Variants in HAT1 observed in about 807,000 individuals in gnomAD.
HAT1 encodes the protein histone acetyltransferase type B catalytic subunit.
A neutral mutation model predicts 56.6 loss-of-function variants in HAT1; 20 were observed. That is an observed-to-expected ratio of 0.35 (90% CI 0.25 to 0.51). HAT1 has a LOEUF of 0.51. Among genes scored for constraint, HAT1 ranks in the 20% least tolerant of loss-of-function variants. The probability of loss-of-function intolerance (pLI) is 0.95; values close to 1 mark genes in which losing one functional copy is unlikely to be tolerated. For missense variants in HAT1, 408 were observed against 504.3 expected (o/e 0.81, Z 1.83); for synonymous variants, 146 against 165.5 (o/e 0.88, Z 0.91).
At chr2:171,968,186 A>G (rs1687727559) in intron 8 of HAT1, among the ~76,000 whole-genome samples, 1 of 152,172 alleles carries the variant, frequency 6.6e-6, no homozygotes, top group African/African-American at 2.4e-5. Flanking sequence ...AACTTCGTTT[A>G]TAACAAAAGT....
At chr2:171,963,201 A>G (rs892657317) in intron 4 of HAT1, among the ~76,000 whole-genome samples, 1 of 149,972 alleles carries the variant, frequency 6.7e-6, no homozygotes. Context: ...ACATATTTAT[A>G]TACATAACTA....
chr2:171,956,583 A>G (rs1687455943), intron 4 of HAT1, among the ~76,000 whole-genome samples: 1 of 152,226 alleles, frequency 6.6e-6, no homozygotes. Context: ...AGGAACATGT[A>G]TTTGGCAACT....
chr2:171,954,691 AAG>A (rs1382087836), intron 4 of HAT1, among the ~76,000 whole-genome samples: 3 of 152,174 alleles, frequency 2.0e-5, no homozygotes, highest in African/African-American at 7.2e-5. Flanking sequence ...ATCTCAAAAA[AAG>A]AGAGAGAGAT....
chr2:171,941,049 G>A (rs1216573136), intron 2 of HAT1, among the ~76,000 whole-genome samples: 1 of 152,152 alleles, frequency 6.6e-6, no homozygotes, highest in African/African-American at 2.4e-5. Context: ...TTGGCAACAT[G>A]GGGACTAAAA....
At chr2:171,935,600 G>C (rs1686855102) in intron 2 of HAT1, among the ~76,000 whole-genome samples, 2 of 147,480 alleles carry the variant, frequency 1.4e-5, no homozygotes, top group African/African-American at 5.0e-5. Context: ...GGTATGGTTG[G>C]GTGTGGTGGT....
chr2:171,966,085 T>C (rs1425237952), intron 6 of HAT1, 177 bp downstream of exon 6: 1 of 609,782 alleles, frequency 1.6e-6, no homozygotes, highest in Non-Finnish European at 2.8e-6. Context: ...AGAATAGAGC[T>C]GAATTAAATG....
chr2:171,941,842 G>GC (rs1687026947), intron 2 of HAT1, among the ~76,000 whole-genome samples: 1 of 152,184 alleles, frequency 6.6e-6, no homozygotes, highest in South Asian at 2.1e-4. Context: ...GCAATAAGGT[G>GC]CCATTTAGTA....
chr2:171,947,860 C>A (rs1305024523), intron 3 of HAT1, among the ~76,000 whole-genome samples: 1 of 152,154 alleles, frequency 6.6e-6, no homozygotes, highest in Non-Finnish European at 1.5e-5. Context: ...GCCTGTGCGA[C>A]AGAGCGAGAC....
At chr2:171,947,797 T>A (rs1687207660) in intron 3 of HAT1, among the ~76,000 whole-genome samples, 1 of 152,066 alleles carries the variant, frequency 6.6e-6, no homozygotes, top group African/African-American at 2.4e-5. Flanking sequence ...GAGAATCACT[T>A]CAACCTGGGA....
intron 8 of HAT1, among the ~76,000 whole-genome samples, chr2:171,969,813 T>G (rs1485594901): frequency 6.6e-6 from 1 of 152,210 alleles, no homozygotes; most frequent in Non-Finnish European, 1.5e-5. Flanking sequence ...CTCATTTTCC[T>G]ATGATACCTA....
chr2:171,941,818 G>A (rs1191719452), intron 2 of HAT1, among the ~76,000 whole-genome samples: 1 of 152,208 alleles, frequency 6.6e-6, no homozygotes, highest in Non-Finnish European at 1.5e-5. Flanking sequence ...GTGTTTGGGG[G>A]CCCCTCCTAT....
rs1041451057 is a variant in HAT1 at position 171,966,232 on chromosome 2, A to T, written c.612-177A>T. Reference sequence around the variant, plus strand: ...GATGTAAAGAGGTCTGATTTATCCAAGTTGCTGCACACCAATTAAGTGAAT... The same window carrying T: ...GATGTAAAGAGGTCTGATTTATCCATGTTGCTGCACACCAATTAAGTGAAT... On this transcript the variant is annotated intron_variant, in intron 6 of 10. Coordinates refer to ENST00000264108, the MANE Select transcript of HAT1 (RefSeq NM_003642.4). 3.0e-5 allele frequency: 19 copies of T among 637,074 alleles called. No individual in the cohort carries two copies. The Admixed American group carries it at 4.1e-4, about 14-fold the overall frequency. 39.5% of individuals were successfully genotyped at this position (637,074 alleles called of 1,614,324 possible). A position where few individuals can be genotyped will look rare whatever the true frequency, so the allele number is the denominator to read the frequency against.
chr2:171,983,442 C>A lies in HAT1; in HGVS notation c.*90C>A, dbSNP rs368733796. 1 of 615,848 alleles carries A rather than the reference C, an allele frequency of 1.6e-6. No homozygotes were observed. The allele number at this position is 615,848 out of a possible 1,614,324, so 38.1% of individuals were successfully genotyped here. ...TGACTTTAATTTTAAAATCTTGTGA[C>A]ATTTTGCTTATACTAAAAGTTATCT... On this transcript the variant is annotated 3_prime_UTR_variant, in exon 11 of 11. Coordinates refer to ENST00000264108, the MANE Select transcript of HAT1 (RefSeq NM_003642.4).
At chr2:171,966,562 ACTG>A in intron 7 of HAT1, 49 bp downstream of exon 7, 1 of 861,670 alleles carries the variant, frequency 1.2e-6, no homozygotes, top group South Asian at 1.3e-5. Flanking sequence ...AGAAGAAGGA[ACTG>A]CTGAAGTTTC....
rs558014555 is a variant in HAT1 at position 171,972,656 on chromosome 2, C to T, written c.824-3501C>T. 5.9e-5 allele frequency among the ~76,000 whole-genome samples: 9 copies of T among 152,300 alleles called. No individual in the cohort carries two copies. In the South Asian group the frequency reaches 1.2e-3, roughly 21 times the overall value. ...TAGCTGTAAAGGGCTGCTGCAGTGG[C>T]GACAGCACAGAGTGGGCAAGGCACA... On this transcript the variant is annotated intron_variant, in intron 8 of 10. Coordinates refer to ENST00000264108, the MANE Select transcript of HAT1 (RefSeq NM_003642.4).
At chr2:171,941,237 G>A (rs1270093234) in intron 2 of HAT1, among the ~76,000 whole-genome samples, 1 of 152,114 alleles carries the variant, frequency 6.6e-6, no homozygotes, top group Non-Finnish European at 1.5e-5. Context: ...TTTTGAGACA[G>A]AGTCTCGCTC....
At chr2:171,936,761 G>A (rs891933376) in intron 2 of HAT1, among the ~76,000 whole-genome samples, 1 of 152,030 alleles carries the variant, frequency 6.6e-6, no homozygotes, top group Non-Finnish European at 1.5e-5. Context: ...TTTCAATTTA[G>A]CATGGGTAGG....
chr2:171,938,249 A>G (rs72889094), intron 2 of HAT1, among the ~76,000 whole-genome samples: 27,618 of 151,986 alleles, frequency 0.18, 2,879 homozygotes, highest in Non-Finnish European at 0.24. Flanking sequence ...GAAAGAAGCA[A>G]CAGTAAATAT....
intron 2 of HAT1, among the ~76,000 whole-genome samples, chr2:171,941,293 A>G (rs1574041883): frequency 6.6e-6 from 1 of 151,318 alleles, no homozygotes; most frequent in Non-Finnish European, 1.5e-5. Flanking sequence ...GCTCACTGCA[A>G]CCTCCACCTC....
Sources: allele counts gnomAD v4.1 joint callset (sites outside exome capture counted in the v4.1 genomes callset), GRCh38; gene constraint gnomAD v4.1.1; transcripts MANE v1.5; gene names NCBI Gene and HGNC (gene_info 2026-07-23, HGNC 2026-07-21).